PUDP: variants seen among roughly 807,000 people sequenced by gnomAD.
The protein encoded by PUDP is pseudouridine-5'-phosphatase.
In PUDP, 8 loss-of-function variants were observed where a neutral mutation model predicts 9.4. The observed-to-expected ratio is 0.85, with a 90% CI of 0.50 to 1.53. The LOEUF is 1.53. PUDP is among the 40% of genes most tolerant of loss of function. PUDP has a pLI of 0.00. For missense variants in PUDP, 188 were observed against 189.7 expected (o/e 0.99, Z 0.05); for synonymous variants, 99 against 80.7 (o/e 1.23, Z -1.22).
At chrX:6,808,129 T>G (rs1005800064) in intron 3 of PUDP, among the ~76,000 whole-genome samples, 2 of 111,247 alleles carry the variant, frequency 1.8e-5, no homozygotes, top group African/African-American at 6.5e-5. Flanking sequence ...ATTAGTAGCA[T>G]GACCACATCT....
chrX:6,793,505 G>T (rs962478976), intron 3 of PUDP, among the ~76,000 whole-genome samples: 21 of 112,045 alleles, frequency 1.9e-4, no homozygotes, highest in African/African-American at 6.8e-4. Flanking sequence ...ACCATAGCAG[G>T]AGTCATGATG....
chrX:7,011,945 T>C (rs752647520), intron 1 of PUDP, among the ~76,000 whole-genome samples: 64 of 112,739 alleles, frequency 5.7e-4, no homozygotes, highest in Non-Finnish European at 1.0e-3. Flanking sequence ...GGTATTTTCA[T>C]TGAGATCATT....
chrX:6,732,685 A>G (rs1303976652), intron 3 of PUDP, among the ~76,000 whole-genome samples: 2 of 109,429 alleles, frequency 1.8e-5, no homozygotes, highest in Middle Eastern at 4.6e-3. Context: ...AAGGAAAAGA[A>G]AAGGAGAGGA....
intron 3 of PUDP, among the ~76,000 whole-genome samples, chrX:6,968,719 A>G (rs1928824651): frequency 9.1e-6 from 1 of 109,845 alleles, no homozygotes. Context: ...TCCCCAGTTC[A>G]AGGAATTCTC....
At chrX:7,008,018 C>T (rs1307966450) in intron 1 of PUDP, among the ~76,000 whole-genome samples, 3 of 109,840 alleles carry the variant, frequency 2.7e-5, no homozygotes, top group African/African-American at 1.0e-4. Flanking sequence ...GGCTGGAGTG[C>T]AGTGGCGTGA....
intron 3 of PUDP, among the ~76,000 whole-genome samples, chrX:6,817,624 T>A (rs1426186734): frequency 9.0e-6 from 1 of 111,533 alleles, no homozygotes; most frequent in Non-Finnish European, 1.9e-5. Flanking sequence ...TGCAAACGGA[T>A]CCTCAAGAGC....
chrX:6,776,590 T>G (rs1184896307), intron 3 of PUDP, among the ~76,000 whole-genome samples: 1 of 111,762 alleles, frequency 8.9e-6, no homozygotes, highest in Admixed American at 9.5e-5. Flanking sequence ...ACTGACTGAA[T>G]CAGAAACTCT....
At chrX:6,879,170 T>G (rs1462814316) in intron 3 of PUDP, among the ~76,000 whole-genome samples, 1 of 111,730 alleles carries the variant, frequency 9.0e-6, no homozygotes, top group African/African-American at 3.3e-5. Flanking sequence ...CCCAGGACCA[T>G]GTTACCCCAT....
At chrX:7,135,595 C>G (rs1932723715) in intron 1 of PUDP, among the ~76,000 whole-genome samples, 2 of 112,083 alleles carry the variant, frequency 1.8e-5, no homozygotes, top group African/African-American at 3.2e-5. Context: ...GGTTCTGAAA[C>G]TATTTCTTCC....
At chrX:6,714,036 C>T (rs975525379) in intron 1 of PUDP, among the ~76,000 whole-genome samples, 4 of 110,395 alleles carry the variant, frequency 3.6e-5, no homozygotes, top group Non-Finnish European at 7.6e-5. Flanking sequence ...GGACTCCAGG[C>T]GCACACCACC....
At chrX:7,070,107 G>A (rs1450076721) in intron 3 of PUDP, among the ~76,000 whole-genome samples, 9 of 111,624 alleles carry the variant, frequency 8.1e-5, no homozygotes, top group Non-Finnish European at 1.7e-4. Flanking sequence ...CACCTAAGAG[G>A]GTAGAGGAAA....
chrX:7,012,926 T>C (rs1024772902), intron 1 of PUDP, among the ~76,000 whole-genome samples: 8 of 110,587 alleles, frequency 7.2e-5, no homozygotes, highest in East Asian at 2.9e-4. Context: ...AATAGAAATG[T>C]CTGATGGTAG....
chrX:7,100,964 G>A lies in PUDP; in HGVS notation c.280+4656C>T, dbSNP rs185959614. 1.6e-3 allele frequency among the ~76,000 whole-genome samples: 180 copies of A among 111,779 alleles called. 2 individuals are homozygous for A. The highest frequency in any genetic ancestry group is 5.5e-3 in the African/African-American group (170 of 30,776). On this transcript the variant is annotated intron_variant, in intron 2 of 3. Transcript: ENST00000381077. Reference sequence around the variant, plus strand: ...TTTTGTCTTATCCTACACCTAACTCGTTTCAGAATACCAAAGCGGCACATC... The same window carrying A: ...TTTTGTCTTATCCTACACCTAACTCATTTCAGAATACCAAAGCGGCACATC...
chrX:6,997,166 C>A (rs1929263750), intron 1 of PUDP, among the ~76,000 whole-genome samples: 1 of 112,119 alleles, frequency 8.9e-6, no homozygotes, highest in South Asian at 3.7e-4. Flanking sequence ...TCTATATATT[C>A]TATAGAATAC....
At chrX:6,831,658 T>C (rs763981458) in intron 3 of PUDP, among the ~76,000 whole-genome samples, 3 of 112,634 alleles carry the variant, frequency 2.7e-5, no homozygotes, top group South Asian at 7.4e-4. Flanking sequence ...TCATTCATCA[T>C]ATTGAACAAT....
intron 1 of PUDP, among the ~76,000 whole-genome samples, chrX:7,019,671 T>G (rs1412341916): frequency 2.7e-5 from 3 of 112,040 alleles, no homozygotes; most frequent in Non-Finnish European, 5.6e-5. Context: ...GCCTGTGTTG[T>G]CACAATGCAA....
intron 3 of PUDP, among the ~76,000 whole-genome samples, chrX:6,815,976 T>C (rs899375104): frequency 3.2e-4 from 34 of 106,632 alleles, no homozygotes; most frequent in Non-Finnish European, 5.6e-4. Flanking sequence ...ATATATAGTA[T>C]ATACATTATA....
In PUDP at chrX:6,961,421, T is replaced by C. The variant is rs1474000233; in HGVS notation, c.*247+15712A>G. ...AAAAATAAAAAAGACTACCCATGTG[T>C]TGGTGTCTCCTCTCAAGCATGAAAT... On this transcript the variant is annotated intron_variant and NMD_transcript_variant, in intron 3 of 3. Coordinates refer to the PUDP transcript ENST00000655425. Among the ~76,000 whole-genome samples the C allele has an allele frequency of 2.7e-5, 3 of 111,148 alleles. No individual in the cohort carries two copies. In the East Asian group the frequency reaches 8.5e-4, roughly 31 times the overall value.
intron 1 of PUDP, among the ~76,000 whole-genome samples, chrX:7,146,271 C>T (rs1484184036): frequency 3.6e-5 from 4 of 111,932 alleles, no homozygotes; most frequent in Non-Finnish European, 5.6e-5. Flanking sequence ...CACTTCAGGG[C>T]ATGGCTATGT....
Sources: gnomAD v4.1 joint callset for allele counts (sites outside exome capture counted in the v4.1 genomes callset) on GRCh38, gnomAD v4.1.1 for gene constraint, MANE v1.5 for transcripts, NCBI Gene and HGNC (gene_info 2026-07-23, HGNC 2026-07-21) for gene names.